NFKBIZ: variants seen among roughly 807,000 people sequenced by gnomAD.
NFKBIZ encodes the protein NFKB inhibitor zeta.
In NFKBIZ, 19 loss-of-function variants were observed where a neutral mutation model predicts 76.8. The observed-to-expected ratio is 0.25, with a 90% CI of 0.17 to 0.36. The LOEUF is 0.36. NFKBIZ is among the 10% of genes least tolerant of loss of function. The probability of loss-of-function intolerance (pLI) is 1.00; values close to 1 mark genes in which losing one functional copy is unlikely to be tolerated. For missense variants in NFKBIZ, 829 were observed against 910.9 expected (o/e 0.91, Z 1.16); for synonymous variants, 368 against 354.8 (o/e 1.04, Z -0.42).
Position 101,849,688 on chromosome 3 carries a change from G to C in NFKBIZ, c.60G>C (p.Ala20=), listed in dbSNP as rs1483823632. 1.4e-6 allele frequency: 2 copies of C among 1,389,948 alleles called. No homozygotes were observed. The highest frequency in any genetic ancestry group is 1.9e-6 in the Non-Finnish European group (2 of 1,079,206). 86.1% of individuals were successfully genotyped at this position (1,389,948 alleles called of 1,614,324 possible). A position where few individuals can be genotyped will look rare whatever the true frequency, so the allele number is the denominator to read the frequency against. The part of the protein sequence containing the change: ...SRGGEGLRDA[A]GGCGLMTSPL... ...GCGGAGAGGGGCTGCGGGACGCGGC[G>C]GGCGGCTGCGGCCTCATGACCAGCC... The change falls in exon 1 of 12, where the codon GCG becomes GCC. Residue 20 remains alanine (A), a synonymous_variant. Coordinates refer to ENST00000326172, the MANE Select transcript of NFKBIZ (RefSeq NM_031419.4).
At chr3:101,832,171 T>G (rs1368472051) in intron 2 of NFKBIZ, among the ~76,000 whole-genome samples, 1 of 152,140 alleles carries the variant, frequency 6.6e-6, no homozygotes, top group East Asian at 1.9e-4. Flanking sequence ...ACTCCTGGCC[T>G]CAAGGGATCT....
Position 101,849,526 on chromosome 3 carries a change from G to GCCGT in NFKBIZ, c.-99_-96dup, listed in dbSNP as rs1942912156. 2.9e-6 allele frequency: 3 copies of GCCGT among 1,051,426 alleles called. No homozygotes were observed. The highest frequency in any genetic ancestry group is 6.3e-5 in the South Asian group (2 of 31,718). The allele number at this position is 1,051,426 out of a possible 1,614,324, so 65.1% of individuals were successfully genotyped here. ...CCGCGCCGCGCCCGTACTGGCCCGC[G>GCCGT]CCGTCCGCCCGCCGACAGCTCCCTG... On this transcript the variant is annotated 5_prime_UTR_variant, in exon 1 of 12. Coordinates refer to ENST00000326172, the MANE Select transcript of NFKBIZ (RefSeq NM_031419.4).
chr3:101,835,050 A>AT (rs1436447006), intron 2 of NFKBIZ, among the ~76,000 whole-genome samples: 2 of 152,258 alleles, frequency 1.3e-5, no homozygotes, highest in African/African-American at 4.8e-5. Context: ...AGTAATAATT[A>AT]TAACTACCAT....
intron 9 of NFKBIZ, chr3:101,856,727 T>C (rs2107422212): frequency 5.3e-6 from 1 of 190,278 alleles, no homozygotes. Context: ...AATATAACTC[T>C]ACAGGGAGGC....
In NFKBIZ at chr3:101,853,877, T is replaced by C. The variant is rs1205466482; in HGVS notation, c.1337+14T>C. 2.5e-6 allele frequency: 4 copies of C among 1,605,266 alleles called. No homozygotes were observed. Among genetic ancestry groups the C allele is most frequent in the African/African-American group, 1.3e-5 (1 of 74,772 alleles). ...AGATGGTGACACGTGAGTATTCTTT[T>C]ATCTCATGTTCTTAATTAGGTAAGC... On this transcript the variant is annotated intron_variant, in intron 5 of 11. Transcript: ENST00000326172.
chr3:101,831,797 C>T (rs185202854), intron 2 of NFKBIZ, among the ~76,000 whole-genome samples: 8 of 152,156 alleles, frequency 5.3e-5, no homozygotes, highest in South Asian at 2.1e-4. Context: ...CATGCCACCA[C>T]GCCCAACTAA....
chr3:101,847,997 G>A (rs1045403688), upstream of NFKBIZ, among the ~76,000 whole-genome samples: 21 of 152,176 alleles, frequency 1.4e-4, no homozygotes, highest in East Asian at 3.9e-4. Flanking sequence ...CTCCAAAAGA[G>A]CGAGACCTGT....
At position 101,859,392 on chromosome 3, in the gene NFKBIZ, G is replaced by A. The variant is rs1560090718; in HGVS notation, c.*21G>A. ...ATTAGCTCCATTAGCTTGGAGCCTGGCTAGCAACACTCACTGTCAGTTAGG... is the reference window on the plus strand; with the variant it reads ...ATTAGCTCCATTAGCTTGGAGCCTGACTAGCAACACTCACTGTCAGTTAGG... On this transcript the variant is annotated 3_prime_UTR_variant, in exon 12 of 12. Transcript: ENST00000326172. 3 of 1,608,328 alleles carry A rather than the reference G, an allele frequency of 1.9e-6. No homozygotes were observed. The South Asian group carries it at 3.3e-5, about 18-fold the overall frequency.
intron 11 of NFKBIZ, chr3:101,858,480 TG>T: frequency 1.0e-6 from 1 of 978,786 alleles, no homozygotes; most frequent in Non-Finnish European, 1.2e-6. Context: ...TCACTGTTTG[TG>T]GTGTGCAGTC....
intron 2 of NFKBIZ, among the ~76,000 whole-genome samples, chr3:101,831,286 A>G (rs1388450992): frequency 6.6e-6 from 1 of 152,266 alleles, no homozygotes; most frequent in African/African-American, 2.4e-5. Context: ...GCCATAGTAC[A>G]TAATAGATAT....
chr3:101,852,843 A>C, intron 3 of NFKBIZ, 43 bp from the exon 4 acceptor site: 1 of 1,600,308 alleles, frequency 6.2e-7, no homozygotes, highest in Non-Finnish European at 8.5e-7. Context: ...GGTAACATTT[A>C]TAAAATAAAA....
intron 2 of NFKBIZ, among the ~76,000 whole-genome samples, chr3:101,837,435 A>C (rs1003652034): frequency 6.7e-6 from 1 of 150,136 alleles, no homozygotes; most frequent in Non-Finnish European, 1.5e-5. Flanking sequence ...TTTGAAAATC[A>C]TAGTGGGTGA....
chr3:101,848,648 G>A (rs1942888333), upstream of NFKBIZ, among the ~76,000 whole-genome samples: 1 of 152,186 alleles, frequency 6.6e-6, no homozygotes, highest in African/African-American at 2.4e-5. Flanking sequence ...ATTCAAGATA[G>A]GAAAGGCCAA....
Position 101,849,906 on chromosome 3 carries a change from A to C in NFKBIZ, c.278A>C (p.Glu93Ala), listed in dbSNP as rs1359456346. Residue 93 changes from glutamate (E) to alanine (A), a missense_variant, in exon 1 of 12, where the codon GAG becomes GCG. By Grantham distance (107) the Glu-to-Ala change is moderately radical (BLOSUM62 -1). Around this residue, in one of 4 missense-constraint regions of NFKBIZ, gnomAD observed 181 missense variants for 175.3 expected, o/e 1.03. Transcript: ENST00000326172. ...ESRSRGGARA[E>A]RQPVEPHMGV... ...CGGTCGAGAGGCGGCGCCCGCGCCG[A>C]GCGCCAGCCAGGTACCCGCCGGCCC... 1 of 1,423,220 alleles carries C rather than the reference A, an allele frequency of 7.0e-7. No homozygotes were observed. Among genetic ancestry groups the C allele is most frequent in the African/African-American group, 1.5e-5 (1 of 66,614 alleles). 88.2% of individuals were successfully genotyped at this position (1,423,220 alleles called of 1,614,324 possible).
intron 2 of NFKBIZ, among the ~76,000 whole-genome samples, chr3:101,842,331 G>A (rs1194926533): frequency 6.6e-6 from 1 of 152,192 alleles, no homozygotes; most frequent in Non-Finnish European, 1.5e-5. Flanking sequence ...AAGGTAATGA[G>A]GAAGATGAAG....
intron 2 of NFKBIZ, among the ~76,000 whole-genome samples, chr3:101,835,704 G>T (rs1183598314): frequency 1.3e-5 from 2 of 152,064 alleles, no homozygotes; most frequent in South Asian, 2.1e-4. Flanking sequence ...CTCTTTAAAG[G>T]CCCCATCTCC....
intron 2 of NFKBIZ, among the ~76,000 whole-genome samples, chr3:101,839,203 A>G (rs759052130): frequency 6.6e-6 from 1 of 152,202 alleles, no homozygotes; most frequent in Admixed American, 6.5e-5. Flanking sequence ...ACTTATAAAA[A>G]CAAACAAAAA....
rs202168485 is a variant in NFKBIZ, at chr3:101,853,483, C to A, written c.957C>A (p.Ser319=). 3 of 1,614,080 alleles carry A rather than the reference C, an allele frequency of 1.9e-6. No individual in the cohort carries two copies. In the Admixed American group the frequency reaches 5.0e-5, roughly 27 times the overall value. Residue 319 remains serine, a synonymous_variant, in exon 5 of 12, where the codon TCC becomes TCA. Transcript: ENST00000326172. The part of the protein sequence containing the change: ...EYSPFPIPPQ[S]PAYEPNLFDG... ...GTCCTTTTCCCATACCTCCCCAGTC[C>A]CCCGCTTATGAACCAAACCTCTTTG...
chr3:101,835,379 G>T (rs913765229), intron 2 of NFKBIZ, among the ~76,000 whole-genome samples: 4 of 152,214 alleles, frequency 2.6e-5, no homozygotes, highest in Non-Finnish European at 5.9e-5. Context: ...GCATGCTGAA[G>T]AATAGAGATA....
Sources: gnomAD v4.1 joint callset for allele counts (sites outside exome capture counted in the v4.1 genomes callset) on GRCh38, gnomAD v4.1.1 for gene constraint, gnomAD v4.1.1 regional missense constraint, MANE v1.5 for transcripts, NCBI Gene and HGNC (gene_info 2026-07-23, HGNC 2026-07-21) for gene names.